BNIP3: variants seen among roughly 807,000 people sequenced by gnomAD.
BNIP3 encodes the protein BCL2/adenovirus E1B 19 kDa protein-interacting protein 3.
A neutral mutation model predicts 23.9 loss-of-function variants in BNIP3; 16 were observed. The observed-to-expected ratio is 0.67, with a 90% CI of 0.45 to 1.01. The LOEUF (loss-of-function observed/expected upper bound fraction) is 1.01. Among genes scored for constraint, BNIP3 ranks in the 50% least tolerant of loss-of-function variants. The pLI, the probability that BNIP3 is intolerant of heterozygous loss-of-function variation, is 0.00. For synonymous variants in BNIP3, 81 were observed against 89.3 expected, an observed-to-expected ratio of 0.91 and a Z score of 0.53; for missense variants, 198 against 248.7, an observed-to-expected ratio of 0.80 and a Z score of 1.37.
At chr10:131,981,449 T>TC in intron 1 of BNIP3, 1 of 400,376 alleles carries the variant, frequency 2.5e-6, no homozygotes, top group Non-Finnish European at 4.4e-6. Flanking sequence ...AGACGCAGAT[T>TC]CACCTCCAGG....
rs761315251 is a variant in BNIP3, at chr10:131,970,865, T to TG, written c.387dup (p.Lys130GlnfsTer6). The TG allele has an allele frequency of 1.9e-6, 3 of 1,614,206 alleles. No individual in the cohort carries two copies. The highest frequency in any genetic ancestry group is 2.5e-6 in the Non-Finnish European group (3 of 1,180,030). On this transcript the variant is annotated frameshift_variant and splice_region_variant, in exon 4 of 6. Transcript: ENST00000368636. LOFTEE classifies it high-confidence loss of function. The surrounding 1 kb of genome is among the most constrained non-coding windows in gnomAD (Gnocchi z 4.1). ...CCGTGACACTGAGAACACACTCACT[T>TG]GGGGGGAATATTTTCCGGCCGACTT... is the stretch of plus-strand genomic sequence containing the variant.
chr10:131,978,385 A>G (rs2037095657), intron 1 of BNIP3, among the ~76,000 whole-genome samples: 1 of 151,542 alleles, frequency 6.6e-6, no homozygotes, highest in Non-Finnish European at 1.5e-5. Flanking sequence ...TTTGTGTAAA[A>G]AAAAAAAAAA....
chr10:131,973,148 A>G, intron 2 of BNIP3, 30 bp from the exon 3 acceptor site: 1 of 1,602,138 alleles, frequency 6.2e-7, no homozygotes, highest in Non-Finnish European at 8.6e-7. Flanking sequence ...TGGGAAAAAC[A>G]GAACATCATG....
At chr10:131,980,203 CCCCCCGGAG>C (rs2037108789) in intron 1 of BNIP3, 1 of 152,170 alleles carries the variant, frequency 6.6e-6, no homozygotes, top group Non-Finnish European at 1.5e-5. Context: ...GAGGACCGAG[CCCCCCGGAG>C]CCCCCTCCAC....
chr10:131,973,680 C>A (rs2037058978), intron 2 of BNIP3, 113 bp downstream of exon 2: 2 of 1,472,374 alleles, frequency 1.4e-6, no homozygotes, highest in Admixed American at 1.9e-5. Flanking sequence ...GAACGCGGCC[C>A]GAGGCGAACA....
In BNIP3 at chr10:131,973,063, G is replaced by C. The variant is rs771709550; in HGVS notation, c.253C>G (p.His85Asp). The C allele has an allele frequency of 1.9e-6, 3 of 1,613,762 alleles. No individual in the cohort carries two copies. Among genetic ancestry groups the C allele is most frequent in the Non-Finnish European group, 2.5e-6 (3 of 1,179,686 alleles). ...GAGCTGTTTTTCTCTCCAATGCTAT[G>C]GGTATCTGTTTCAGAAGCTCTGTTG... is the stretch of plus-strand genomic sequence containing the variant. ...DTNRASETDT[H>D]SIGEKNSSQS... Residue 85 changes from histidine to aspartate, a missense_variant, in exon 3 of 6, where the codon CAT (histidine) becomes GAT (aspartate). His to Asp is a moderately conservative substitution (Grantham distance 81, BLOSUM62 -1). Transcript: ENST00000368636.
intron 1 of BNIP3, among the ~76,000 whole-genome samples, chr10:131,977,666 C>T (rs2037090480): frequency 2.6e-5 from 4 of 152,150 alleles, no homozygotes; most frequent in Admixed American, 2.0e-4. Context: ...ATGGCCGAGC[C>T]ACCTCTTAAA....
intron 2 of BNIP3, chr10:131,973,378 C>T (rs755032404): frequency 1.6e-5 from 8 of 505,010 alleles, no homozygotes; most frequent in South Asian, 8.7e-5. Flanking sequence ...TGTCACCTGC[C>T]GCCTTCACGG....
At position 131,970,718 on chromosome 10, in the gene BNIP3, T is replaced by A. The variant is rs779641950; in HGVS notation, c.459A>T (p.Lys153Asn). The change falls in exon 5 of 6, where the codon AAA becomes AAT. Residue 153 changes from lysine to asparagine, a missense_variant. Lys to Asn is a moderately conservative substitution (Grantham distance 94). Coordinates refer to ENST00000368636, the MANE Select transcript of BNIP3 (RefSeq NM_004052.4). The surrounding 1 kb of genome is among the most constrained non-coding windows in gnomAD (Gnocchi z 4.1). The part of the protein sequence containing the change: ...LSMRNTSVMK[K>N]GGIFSAEFLK... ...GAAATTCTGCAGAGAATATGCCCCC[T>A]TTCTTCATGACGCTCGTGTTCCTCA... The A allele has an allele frequency of 8.1e-6, 13 of 1,614,232 alleles. 1 individual carries two copies. In the East Asian group the frequency reaches 1.6e-4, roughly 19 times the overall value.
rs934049848 is a variant in BNIP3 at position 131,977,324 on chromosome 10, C to T, written c.47-3381G>A. 5.9e-5 allele frequency among the ~76,000 whole-genome samples: 9 copies of T among 152,064 alleles called. No homozygotes were observed. In the East Asian group the frequency reaches 1.3e-3, roughly 23 times the overall value. On this transcript the variant is annotated intron_variant, in intron 1 of 5. Transcript: ENST00000368636. ...AAGCCCCAGGGGTTTAGGTGCTCTG[C>T]ACCAGGAAGTAGGTAGGGTCAAGAC...
intron 3 of BNIP3, among the ~76,000 whole-genome samples, chr10:131,971,884 G>A (rs2037036876): frequency 6.6e-6 from 1 of 152,194 alleles, no homozygotes; most frequent in Non-Finnish European, 1.5e-5. Context: ...GGGACTCCTT[G>A]TTTCCTTGGT....
At chr10:131,972,987 A>T (rs754954559) in intron 3 of BNIP3, 47 bp downstream of exon 3, 2 of 1,568,314 alleles carry the variant, frequency 1.3e-6, no homozygotes, top group Admixed American at 3.3e-5. Flanking sequence ...TCCTGTACAA[A>T]CAGATCACAA....
Position 131,981,903 on chromosome 10 carries a change from G to C in BNIP3, c.-97C>G, listed in dbSNP as rs897879938. On this transcript the variant is annotated 5_prime_UTR_variant, in exon 1 of 6. Transcript: ENST00000368636. ...GGAAAGCGGAGGTCGGAGCGCCGCG[G>C]CCCAGCTGCGCTCCCGGACTGAGCG... 1 of 1,321,688 alleles carries C rather than the reference G, an allele frequency of 7.6e-7. No homozygotes were observed. The highest frequency in any genetic ancestry group is 9.7e-7 in the Non-Finnish European group (1 of 1,027,698). The allele number at this position is 1,321,688 out of a possible 1,614,324, so 81.9% of individuals were successfully genotyped here.
chr10:131,972,990 G>A (rs993244866), intron 3 of BNIP3, 44 bp downstream of exon 3: 6 of 1,571,678 alleles, frequency 3.8e-6, no homozygotes, highest in African/African-American at 1.4e-5. Flanking sequence ...TGTACAAACA[G>A]ATCACAAATA....
intron 1 of BNIP3, among the ~76,000 whole-genome samples, chr10:131,975,275 G>A (rs1409819025): frequency 1.3e-5 from 2 of 152,230 alleles, no homozygotes; most frequent in Non-Finnish European, 2.9e-5. Flanking sequence ...ATAGGCACAC[G>A]TCTATTTCTG....
chr10:131,978,096 G>A (rs997131800), intron 1 of BNIP3, among the ~76,000 whole-genome samples: 13 of 152,040 alleles, frequency 8.6e-5, no homozygotes, highest in Admixed American at 3.3e-4. Context: ...GGCCCCAGAC[G>A]GAAAGGTGCT....
chr10:131,977,662 G>A (rs994397129), intron 1 of BNIP3, among the ~76,000 whole-genome samples: 7 of 152,074 alleles, frequency 4.6e-5, no homozygotes, highest in African/African-American at 1.7e-4. Flanking sequence ...CCCTATGGCC[G>A]AGCCACCTCT....
intron 1 of BNIP3, 30 bp downstream of exon 1, chr10:131,981,731 T>G: frequency 6.9e-7 from 1 of 1,457,304 alleles, no homozygotes; most frequent in East Asian, 3.0e-5. Context: ...CCGCGCCCCC[T>G]CGGCTCCCGC....
chr10:131,973,414 G>A, intron 2 of BNIP3: 3 of 474,890 alleles, frequency 6.3e-6, no homozygotes, highest in South Asian at 2.4e-5. Flanking sequence ...CAGCTCTCAA[G>A]GGCACGCGAC....
Sources: allele counts gnomAD v4.1 joint callset (sites outside exome capture counted in the v4.1 genomes callset), GRCh38; gene constraint gnomAD v4.1.1; non-coding constraint Gnocchi (gnomAD v3.1); transcripts MANE v1.5; gene names NCBI Gene and HGNC (gene_info 2026-07-23, HGNC 2026-07-21).